TAS2R1: variants seen among roughly 807,000 people sequenced by gnomAD.
TAS2R1 encodes taste 2 receptor member 1, also known as taste receptor type 2 member 1.
For missense variants in TAS2R1, 370 were observed against 353.4 expected, an observed-to-expected ratio of 1.05 and a Z score of -0.38; for synonymous variants, 141 against 134.2, an observed-to-expected ratio of 1.05 and a Z score of -0.35.
the TAS2R1 span, among the ~76,000 whole-genome samples, chr5:9,762,921 C>A: frequency 6.6e-6 from 1 of 151,950 alleles, no homozygotes; most frequent in Non-Finnish European, 1.5e-5. Context: ...AAGGAAAAAC[C>A]ATGTCTCATT....
the TAS2R1 span, among the ~76,000 whole-genome samples, chr5:9,848,547 A>G: frequency 2.0e-5 from 3 of 152,216 alleles, no homozygotes; most frequent in African/African-American, 7.2e-5. Flanking sequence ...ACAGTTAATA[A>G]TAATGTATTA....
At chr5:9,861,285 C>A in the TAS2R1 span, among the ~76,000 whole-genome samples, 1 of 151,870 alleles carries the variant, frequency 6.6e-6, no homozygotes, top group African/African-American at 2.4e-5. Flanking sequence ...CACCAGCCCA[C>A]GCACGGATCA....
the TAS2R1 span, among the ~76,000 whole-genome samples, chr5:9,718,244 C>T: frequency 6.7e-6 from 1 of 149,422 alleles, no homozygotes; most frequent in South Asian, 2.3e-4. Flanking sequence ...GTTGGGATTA[C>T]AGGCGTGAGC....
chr5:9,708,766 T>C (rs914577036), intron 1 of TAS2R1, among the ~76,000 whole-genome samples: 1 of 152,206 alleles, frequency 6.6e-6, no homozygotes, highest in Non-Finnish European at 1.5e-5. Flanking sequence ...AGTCATGGAA[T>C]GCCCAACCTG....
intron 1 of TAS2R1, among the ~76,000 whole-genome samples, chr5:9,697,983 T>C (rs1478618901): frequency 1.3e-5 from 2 of 151,652 alleles, no homozygotes; most frequent in African/African-American, 2.4e-5. Flanking sequence ...ATTTAAAAAA[T>C]TTCTGAGCAT....
chr5:9,636,692 T>A (rs1305678709), intron 2 of TAS2R1, among the ~76,000 whole-genome samples: 1 of 152,122 alleles, frequency 6.6e-6, no homozygotes, highest in Admixed American at 6.6e-5. Flanking sequence ...CCTTTTTGTC[T>A]CTTTTTTACT....
the TAS2R1 span, among the ~76,000 whole-genome samples, chr5:9,750,830 C>T: frequency 6.6e-6 from 1 of 152,034 alleles, no homozygotes; most frequent in African/African-American, 2.4e-5. Context: ...GAAGAATAAG[C>T]AGGGCAGTCA....
chr5:9,726,643 A>G, the TAS2R1 span, among the ~76,000 whole-genome samples: 1 of 152,300 alleles, frequency 6.6e-6, no homozygotes, highest in African/African-American at 2.4e-5. Context: ...CAAACATCAG[A>G]AGGAACAAAC....
chr5:9,673,228 T>C (rs1359327897), intron 1 of TAS2R1, among the ~76,000 whole-genome samples: 1 of 152,096 alleles, frequency 6.6e-6, no homozygotes. Context: ...AAATAATCTG[T>C]ACACCAAGCC....
the TAS2R1 span, among the ~76,000 whole-genome samples, chr5:9,792,541 A>C: frequency 1.3e-5 from 2 of 152,346 alleles, no homozygotes; most frequent in East Asian, 3.9e-4. Context: ...CACGGCAGCT[A>C]TTGACAACAC....
At chr5:9,820,108 A>C in the TAS2R1 span, among the ~76,000 whole-genome samples, 1 of 152,096 alleles carries the variant, frequency 6.6e-6, no homozygotes, top group East Asian at 1.9e-4. Context: ...AAAGGGGAAA[A>C]GATGAAGCAA....
At chr5:9,778,271 T>G in the TAS2R1 span, among the ~76,000 whole-genome samples, 20 of 152,348 alleles carry the variant, frequency 1.3e-4, no homozygotes, top group Non-Finnish European at 2.8e-4. Flanking sequence ...GCTTAAAATA[T>G]TCAATAAACC....
At chr5:9,708,269 C>T (rs2126531017) in intron 1 of TAS2R1, among the ~76,000 whole-genome samples, 1 of 152,356 alleles carries the variant, frequency 6.6e-6, no homozygotes, top group Non-Finnish European at 1.5e-5. Context: ...CGGCCACAGA[C>T]TGTCACTTTC....
At chr5:9,637,302 A>T (rs1350808311) in intron 2 of TAS2R1, among the ~76,000 whole-genome samples, 3 of 152,176 alleles carry the variant, frequency 2.0e-5, no homozygotes, top group Admixed American at 2.0e-4. Flanking sequence ...GTCTGCTGTT[A>T]ATCTGATAGG....
the TAS2R1 span, among the ~76,000 whole-genome samples, chr5:9,722,926 TCAGA>T: frequency 6.6e-6 from 1 of 152,140 alleles, no homozygotes; most frequent in African/African-American, 2.4e-5. Flanking sequence ...TGTGAAATGG[TCAGA>T]CAGAGGAGCT....
chr5:9,795,322 GA>G, the TAS2R1 span, among the ~76,000 whole-genome samples: 1 of 152,222 alleles, frequency 6.6e-6, no homozygotes, highest in South Asian at 2.1e-4. Flanking sequence ...CCATTTCTAG[GA>G]GACTTTTTCC....
chr5:9,802,896 C>G, the TAS2R1 span, among the ~76,000 whole-genome samples: 12 of 152,078 alleles, frequency 7.9e-5, no homozygotes, highest in Admixed American at 7.2e-4. Context: ...CAGCGAGACT[C>G]CGTCTAAAAA....
intron 2 of TAS2R1, among the ~76,000 whole-genome samples, chr5:9,659,256 G>C (rs1374227052): frequency 6.6e-6 from 1 of 152,136 alleles, no homozygotes; most frequent in African/African-American, 2.4e-5. Flanking sequence ...CCATGGGAAT[G>C]AGTAGTATCC....
the TAS2R1 span, among the ~76,000 whole-genome samples, chr5:9,767,501 T>C: frequency 2.6e-5 from 4 of 152,144 alleles, no homozygotes; most frequent in African/African-American, 9.7e-5. Context: ...CCTGATCTCC[T>C]AGGGTCATTG....
Sources: gnomAD v4.1 joint callset for allele counts (sites outside exome capture counted in the v4.1 genomes callset) on GRCh38, gnomAD v4.1.1 for gene constraint, MANE v1.5 for transcripts, NCBI Gene and HGNC (gene_info 2026-07-23, HGNC 2026-07-21) for gene names.